HHIPL2: variants seen among roughly 807,000 people sequenced by gnomAD.
HHIPL2 encodes HHIP like 2, also known as HHIP-like protein 2.
A neutral mutation model predicts 61.0 loss-of-function variants in HHIPL2; 61 were observed. That is an observed-to-expected ratio of 1.00 (90% CI 0.81 to 1.24). The LOEUF (loss-of-function observed/expected upper bound fraction) is 1.24. Among genes scored for constraint, HHIPL2 ranks in the 50% most tolerant of loss-of-function variants. HHIPL2 has a pLI of 0.00. For synonymous variants in HHIPL2, 343 were observed against 357.4 expected (o/e 0.96, Z 0.45); for missense variants, 885 against 910.2 (o/e 0.97, Z 0.36).
At position 222,522,620 on chromosome 1, in the gene HHIPL2, G is replaced by A. The variant is rs761097126; in HGVS notation, c.2156C>T (p.Ala719Val). ...RMRPSAEQKR[A>V]GRSLP ...AATAGGTCAAGGGAGACTTCTGCCA[G>A]CTCGCTTCTGCTCTGCTGATGGCCT... The change falls in exon 9 of 9, where the codon GCT (alanine) becomes GTT (valine). Residue 719 changes from alanine to valine, a missense_variant. Physicochemically the swap from Ala to Val is moderately conservative, Grantham distance 64. Transcript: ENST00000343410. 1 of 1,613,280 alleles carries A rather than the reference G, an allele frequency of 6.2e-7. No individual in the cohort carries two copies.
At chr1:222,537,004 A>G (rs1042596670) in intron 5 of HHIPL2, among the ~76,000 whole-genome samples, 2 of 152,188 alleles carry the variant, frequency 1.3e-5, no homozygotes, top group Admixed American at 6.5e-5. Flanking sequence ...GTGCCATTGC[A>G]GTCCAGCTTG....
At chr1:222,529,572 C>T (rs113550935) in intron 6 of HHIPL2, among the ~76,000 whole-genome samples, 3,398 of 152,296 alleles carry the variant, frequency 0.022, 136 homozygotes, top group African/African-American at 0.077. Context: ...AAGTGAATTT[C>T]ATCTGTAGCA....
rs745424270 is a variant in HHIPL2, at chr1:222,538,705, C to T, written c.1520G>A (p.Arg507His). Residue 507 changes from arginine to histidine, a missense_variant, in exon 5 of 9, where the codon CGT (arginine) becomes CAT (histidine). By Grantham distance (29) the Arg-to-His change is conservative. Coordinates refer to ENST00000343410, the MANE Select transcript of HHIPL2 (RefSeq NM_024746.4). ...ATTGAGATTTGGGGATTCACAACCACGATAGACATAACCTCCAGTGACTGA... is the reference window on the plus strand; with the variant it reads ...ATTGAGATTTGGGGATTCACAACCATGATAGACATAACCTCCAGTGACTGA... ...GKSVTGGYVY[R>H]GCESPNLNGL... 25 of 1,613,866 alleles carry T rather than the reference C, an allele frequency of 1.5e-5. No homozygotes were observed. The highest frequency in any genetic ancestry group is 1.9e-5 in the Non-Finnish European group (23 of 1,179,860).
At chr1:222,545,432 G>A (rs1318247130) in intron 1 of HHIPL2, among the ~76,000 whole-genome samples, 2 of 152,144 alleles carry the variant, frequency 1.3e-5, no homozygotes, top group East Asian at 1.9e-4. Context: ...TCAGAGATTC[G>A]CAGGCTCCCC....
Position 222,540,264 on chromosome 1 carries a change from G to A in HHIPL2, c.1196C>T (p.Ser399Leu), listed in dbSNP as rs200435508. The A allele has an allele frequency of 7.9e-5, 128 of 1,614,244 alleles. 3 individuals are homozygous for A. The East Asian group carries it at 8.0e-4, about 10-fold the overall frequency. The change falls in exon 4 of 9, where the codon TCG becomes TTG. Residue 399 changes from serine (S) to leucine (L), a missense_variant. Physicochemically the swap from Ser to Leu is moderately radical, Grantham distance 145. Coordinates refer to ENST00000343410, the MANE Select transcript of HHIPL2 (RefSeq NM_024746.4). ...GSHGKRYRVP[S>L]DNPFVSEPGA... ...TGGCTCAGAAACAAATGGATTGTCC[G>A]AGGGGACTCGGTACCGCTTGCCATG...
In HHIPL2 at chr1:222,543,936, C is replaced by T. The variant is rs774553296; in HGVS notation, c.575G>A (p.Arg192His). The change falls in exon 2 of 9, where the codon CGC becomes CAC. Residue 192 changes from arginine (R) to histidine (H), a missense_variant. Arg to His is a conservative substitution (Grantham distance 29, BLOSUM62 0). Coordinates refer to ENST00000343410, the MANE Select transcript of HHIPL2 (RefSeq NM_024746.4). Reference sequence around the variant, plus strand: ...ATCTTGGGCCACCATGCCCAGGTGGCGGTTGAGATAGTCGTTCCTCAGGAC... The same window carrying T: ...ATCTTGGGCCACCATGCCCAGGTGGTGGTTGAGATAGTCGTTCCTCAGGAC... ...PNVLRNDYLN[R>H]HLGMVAQDPQ... is the part of the protein sequence containing the mutation. 7 of 1,614,032 alleles carry T rather than the reference C, an allele frequency of 4.3e-6. No individual in the cohort carries two copies. In the African/African-American group the frequency reaches 6.7e-5, roughly 15 times the overall value.
At chr1:222,546,408 T>C (rs757555001) in intron 1 of HHIPL2, among the ~76,000 whole-genome samples, 3 of 152,192 alleles carry the variant, frequency 2.0e-5, no homozygotes, top group Non-Finnish European at 4.4e-5. Context: ...GGGTACACAC[T>C]ACATACGTTG....
chr1:222,534,918 T>C (rs1357454446), intron 5 of HHIPL2, among the ~76,000 whole-genome samples: 1 of 152,064 alleles, frequency 6.6e-6, no homozygotes, highest in Non-Finnish European at 1.5e-5. Flanking sequence ...TTTGAAGATA[T>C]AATGGCCAAA....
At chr1:222,531,556 C>T (rs1178425541) in intron 6 of HHIPL2, among the ~76,000 whole-genome samples, 3 of 151,846 alleles carry the variant, frequency 2.0e-5, no homozygotes, top group African/African-American at 4.8e-5. Flanking sequence ...GAGACCAGCA[C>T]GGCCAACACG....
chr1:222,528,598 G>T (rs969927024), intron 6 of HHIPL2, among the ~76,000 whole-genome samples: 3 of 151,772 alleles, frequency 2.0e-5, no homozygotes, highest in African/African-American at 7.3e-5. Flanking sequence ...GCAACAGAGC[G>T]AGACTCCGTC....
chr1:222,546,331 T>G (rs1659556543), intron 1 of HHIPL2, among the ~76,000 whole-genome samples: 2 of 152,162 alleles, frequency 1.3e-5, no homozygotes, highest in Admixed American at 6.5e-5. Context: ...CTTGGGTAAG[T>G]CATCTAAACT....
At position 222,534,437 on chromosome 1, in the gene HHIPL2, C is replaced by T. The variant is rs112042085; in HGVS notation, c.1578-2326G>A. 1.2e-3 allele frequency among the ~76,000 whole-genome samples: 179 copies of T among 152,090 alleles called. 1 individual carries two copies. Among genetic ancestry groups the T allele is most frequent in the African/African-American group, 3.5e-3 (146 of 41,488 alleles). ...ACTAAAAATACAAAAATTAGCTGGG[C>T]GTGGTGGCGGATGCCTGTAGTCCCA... On this transcript the variant is annotated intron_variant, in intron 5 of 8. Coordinates refer to ENST00000343410, the MANE Select transcript of HHIPL2 (RefSeq NM_024746.4).
At chr1:222,539,694 G>A (rs922583390) in intron 4 of HHIPL2, among the ~76,000 whole-genome samples, 6 of 152,102 alleles carry the variant, frequency 3.9e-5, no homozygotes, top group Non-Finnish European at 8.8e-5. Context: ...AAAATAATAT[G>A]CCTAAAATTA....
At chr1:222,538,593 C>G (rs2102618135) in intron 5 of HHIPL2, 55 bp downstream of exon 5, 1 of 1,504,714 alleles carries the variant, frequency 6.6e-7, no homozygotes. Context: ...TAAGTTATAC[C>G]TCAGTAAAAA....
At chr1:222,539,987 C>T (rs376623098) in intron 4 of HHIPL2, 23 bp downstream of exon 4, 1 of 1,595,308 alleles carries the variant, frequency 6.3e-7, no homozygotes. Flanking sequence ...TCCAAGAAAT[C>T]ACCCAGAGAG....
chr1:222,547,305 AC>A (rs1558134350), intron 1 of HHIPL2, among the ~76,000 whole-genome samples: 1 of 152,118 alleles, frequency 6.6e-6, no homozygotes, highest in African/African-American at 2.4e-5. Flanking sequence ...AAAGGACTGG[AC>A]CCCAGCAGAT....
rs763910697 is a variant in HHIPL2, at chr1:222,544,186, A to C, written c.325T>G (p.Cys109Gly). Residue 109 changes from cysteine to glycine, a missense_variant, in exon 2 of 9, where the codon TGC becomes GGC. Coordinates refer to ENST00000343410, the MANE Select transcript of HHIPL2 (RefSeq NM_024746.4). ...TAGAGGTGGGCTGCGTAGGGCGAGCACTCCTAAAAAAGAACGCGGAGCTCA... is the reference window on the plus strand; with the variant it reads ...TAGAGGTGGGCTGCGTAGGGCGAGCCCTCCTAAAAAAGAACGCGGAGCTCA... ...DYIKDILCQECSPYAAHLYDA... is the reference protein window; with the variant it reads ...DYIKDILCQEGSPYAAHLYDA... The C allele has an allele frequency of 4.4e-6, 7 of 1,607,498 alleles. No homozygotes were observed. The highest frequency in any genetic ancestry group is 1.3e-5 in the African/African-American group (1 of 74,680).
In HHIPL2 at chr1:222,522,330, T is replaced by C; in HGVS notation, c.*271A>G. 1 of 487,888 alleles carries C rather than the reference T, an allele frequency of 2.0e-6. No individual in the cohort carries two copies. Among genetic ancestry groups the C allele is most frequent in the Admixed American group, 3.5e-5 (1 of 28,638 alleles). 30.2% of individuals were successfully genotyped at this position (487,888 alleles called of 1,614,324 possible). On this transcript the variant is annotated 3_prime_UTR_variant, in exon 9 of 9. Coordinates refer to ENST00000343410, the MANE Select transcript of HHIPL2 (RefSeq NM_024746.4). ...TACAAGACAAAACGGAGACATCCAG[T>C]GTGATTCCAAGCAGGCTCATGGACT...
rs570113225 is a variant in HHIPL2 at position 222,542,591 on chromosome 1, C to T, written c.975-436G>A. On this transcript the variant is annotated intron_variant, in intron 2 of 8. Coordinates refer to ENST00000343410, the MANE Select transcript of HHIPL2 (RefSeq NM_024746.4). ...TGTCACCCAGGTTGGCATGCAGTGG[C>T]GTGATCTTGGCTCACTGCAACTTCT... is the stretch of plus-strand genomic sequence containing the variant. Among the ~76,000 whole-genome samples, 17 of 137,582 alleles carry T rather than the reference C, an allele frequency of 1.2e-4. No individual in the cohort carries two copies. The East Asian group carries it at 3.8e-3, about 31-fold the overall frequency. 90.3% of individuals were successfully genotyped at this position (137,582 alleles called of 152,430 possible).
Sources: allele counts gnomAD v4.1 joint callset (sites outside exome capture counted in the v4.1 genomes callset), GRCh38; gene constraint gnomAD v4.1.1; transcripts MANE v1.5; gene names NCBI Gene and HGNC (gene_info 2026-07-23, HGNC 2026-07-21).